Variants in SULT1E1 observed in about 807,000 individuals in gnomAD.
SULT1E1 encodes sulfotransferase 1E1.
In SULT1E1, 36 loss-of-function variants were observed where a neutral mutation model predicts 33.6. The observed-to-expected ratio is 1.07, with a 90% confidence interval of 0.82 to 1.41. The LOEUF (loss-of-function observed/expected upper bound fraction) is 1.41. Among genes scored for constraint, SULT1E1 ranks in the 40% most tolerant of loss-of-function variants. The pLI is 0.00. For missense variants in SULT1E1, 371 were observed against 345.7 expected, an observed-to-expected ratio of 1.07 and a Z score of -0.58; for synonymous variants, 121 against 111.7, an observed-to-expected ratio of 1.08 and a Z score of -0.53.
In SULT1E1 at chr4:69,847,740, C is replaced by T; in HGVS notation, c.549G>A (p.Lys183=). ...KHVKSWWEKG[K]SPRVLFLFYE... ...AGAAAAGAAATAGTACACGTGGACT[C>T]TTTCCCTTTTCCCACCAAGATTTTA... The change falls in exon 6 of 8, where the codon AAG becomes AAA. Residue 183 remains lysine (K), a synonymous_variant. Transcript: ENST00000226444. The T allele has an allele frequency of 6.2e-7, 1 of 1,609,878 alleles. No individual in the cohort carries two copies. The highest frequency in any genetic ancestry group is 8.5e-7 in the Non-Finnish European group (1 of 1,177,210).
intron 3 of SULT1E1, 123 bp from the exon 4 acceptor site, chr4:69,854,437 A>AC: frequency 3.3e-6 from 2 of 612,490 alleles, no homozygotes; most frequent in Non-Finnish European, 5.3e-6. Context: ...GATTGTGTGT[A>AC]ACACAAAGTA....
chr4:69,851,026 T>C (rs1000558994), intron 4 of SULT1E1, among the ~76,000 whole-genome samples: 1 of 152,098 alleles, frequency 6.6e-6, no homozygotes. Flanking sequence ...TTGTAATCTG[T>C]CTTAAAAATT....
At position 69,860,116 on chromosome 4, in the gene SULT1E1, A is replaced by G. The variant is rs575861675; in HGVS notation, c.-77T>C. 6.6e-6 allele frequency: 1 copy of G among 152,264 alleles called. No individual in the cohort carries two copies. The highest frequency in any genetic ancestry group is 2.4e-5 in the African/African-American group (1 of 41,564). The allele number at this position is 152,264 out of a possible 1,614,324, so 9.4% of individuals were successfully genotyped here. On this transcript the variant is annotated 5_prime_UTR_variant, in exon 1 of 8. Transcript: ENST00000226444. ...CTCTTCAAATACCAAGGCAGATCTT[A>G]AGCTGCAAAAAAAGATGAGAACCAC... is the stretch of plus-strand genomic sequence containing the variant.
At position 69,841,287 on chromosome 4, in the gene SULT1E1, G is replaced by C. The variant is rs11573800; in HGVS notation, c.*707C>G. Reference sequence around the variant, plus strand: ...TCTGTGTTACTACATCATTCCCATAGGTTATAGTTGTGCATGATATTTATA... The same window carrying C: ...TCTGTGTTACTACATCATTCCCATACGTTATAGTTGTGCATGATATTTATA... On this transcript the variant is annotated 3_prime_UTR_variant, in exon 8 of 8. Transcript: ENST00000226444. The C allele has an allele frequency of 2.0e-5, 3 of 151,962 alleles. No individual in the cohort carries two copies. The highest frequency in any genetic ancestry group is 1.9e-4 in the East Asian group (1 of 5,172). 9.4% of individuals were successfully genotyped at this position (151,962 alleles called of 1,614,324 possible). A position where few individuals can be genotyped will look rare whatever the true frequency, so the allele number is the denominator to read the frequency against.
rs11573770 is a variant in SULT1E1 at position 69,850,304 on chromosome 4, G to A, written c.370-741C>T. On this transcript the variant is annotated intron_variant, in intron 4 of 7. Transcript: ENST00000226444. ...CTAGGTCTGATACTCAATGTTACAC[G>A]AAAAGATCTGTGAAAGTAAAGTCCA... Among the ~76,000 whole-genome samples, 683 of 152,094 alleles carry A rather than the reference G, an allele frequency of 4.5e-3. 6 individuals carry two copies. Among genetic ancestry groups the A allele is most frequent in the Admixed American group, 0.022 (334 of 15,250 alleles).
downstream of SULT1E1, among the ~76,000 whole-genome samples, chr4:69,837,720 G>A (rs1022816491): frequency 3.3e-5 from 5 of 152,054 alleles, no homozygotes; most frequent in African/African-American, 1.2e-4. Context: ...TAGTAGAGAT[G>A]GGGTCTCACT....
the SULT1E1 span, among the ~76,000 whole-genome samples, chr4:69,835,798 T>C: frequency 6.6e-6 from 1 of 152,200 alleles, no homozygotes; most frequent in Non-Finnish European, 1.5e-5. Flanking sequence ...TTATTTATGT[T>C]ATTTTTATTT....
chr4:69,827,954 T>A, the SULT1E1 span, among the ~76,000 whole-genome samples: 6,668 of 152,274 alleles, frequency 0.044, 215 homozygotes, highest in East Asian at 0.082. Flanking sequence ...CATTCATGTC[T>A]GCTATGCCGA....
At chr4:69,838,394 G>A (rs1720827793), downstream of SULT1E1, 1 of 152,016 alleles carries the variant, frequency 6.6e-6, no homozygotes, top group Non-Finnish European at 1.5e-5. Context: ...CAGAATTCAA[G>A]AGAGTTAAAC....
In SULT1E1 at chr4:69,855,308, G is replaced by A; in HGVS notation, c.264C>T (p.Leu88=). The A allele has an allele frequency of 6.2e-7, 1 of 1,612,096 alleles. No individual in the cohort carries two copies. The highest frequency in any genetic ancestry group is 8.5e-7 in the Non-Finnish European group (1 of 1,178,978). ...AATCAACTTGAACGTTACCATTCATGAGGTTTTCTTTTCTGCATTCCAGGA... is the reference window on the plus strand; with the variant it reads ...AATCAACTTGAACGTTACCATTCATAAGGTTTTCTTTTCTGCATTCCAGGA... ...IPFLECRKEN[L]MNGVKQLDEM... The change falls in exon 3 of 8, where the codon CTC becomes CTT. Residue 88 remains leucine (L), a synonymous_variant. Transcript: ENST00000226444.
the SULT1E1 span, among the ~76,000 whole-genome samples, chr4:69,829,886 C>A: frequency 6.6e-6 from 1 of 152,184 alleles, no homozygotes; most frequent in Non-Finnish European, 1.5e-5. Flanking sequence ...CCAAAGTGAT[C>A]ATAGGCTCCT....
At position 69,842,014 on chromosome 4, in the gene SULT1E1, T is replaced by A. The variant is rs763722636; in HGVS notation, c.865A>T (p.Lys289Ter). The change falls in exon 8 of 8, where the codon AAG becomes TAG. Residue 289 changes from lysine to a stop codon, truncating the protein, a stop_gained. Coordinates refer to ENST00000226444, the MANE Select transcript of SULT1E1 (RefSeq NM_005420.3). LOFTEE classifies it high-confidence loss of function. The stretch of plus-strand genomic sequence containing the variant: ...CCTTCTTAGATCTCAGTTCGAAACT[T>A]CAGTGTAGATTCCTTCATTTGCTGC... Reference protein sequence around the residue: ...YEQQMKESTLKFRTEI With the variant: ...YEQQMKESTL 1 of 1,606,228 alleles carries A rather than the reference T, an allele frequency of 6.2e-7. No individual in the cohort carries two copies. Among genetic ancestry groups the A allele is most frequent in the Non-Finnish European group, 8.5e-7 (1 of 1,175,550 alleles).
At chr4:69,829,719 A>G in the SULT1E1 span, among the ~76,000 whole-genome samples, 3,926 of 152,256 alleles carry the variant, frequency 0.026, 174 homozygotes, top group African/African-American at 0.088. Flanking sequence ...TCCTCCTATT[A>G]CACATCTCTT....
At chr4:69,836,861 A>G (rs1354362), downstream of SULT1E1, among the ~76,000 whole-genome samples, 1 of 152,052 alleles carries the variant, frequency 6.6e-6, no homozygotes, top group Admixed American at 6.6e-5. Context: ...ATTGAAATAT[A>G]GACAATATCT....
chr4:69,850,589 A>G (rs1721080912), intron 4 of SULT1E1, among the ~76,000 whole-genome samples: 1 of 152,098 alleles, frequency 6.6e-6, no homozygotes, highest in African/African-American at 2.4e-5. Context: ...CATTAGCCAT[A>G]TTGAACTTTT....
Position 69,847,696 on chromosome 4 carries a change from A to G in SULT1E1, c.591+2T>C. 1 of 1,591,850 alleles carries G rather than the reference A, an allele frequency of 6.3e-7. No homozygotes were observed. Among genetic ancestry groups the G allele is most frequent in the Non-Finnish European group, 8.6e-7 (1 of 1,166,758 alleles). ...GTTGCTTATGTGTTCCCAGTTCCTC[A>G]CCTCTTTCAGGTCTTCGTAGAAAAG... On this transcript the variant is annotated splice_donor_variant, in intron 6 of 7. Transcript: ENST00000226444. LOFTEE classifies it high-confidence loss of function.
downstream of SULT1E1, among the ~76,000 whole-genome samples, chr4:69,837,625 C>CGA (rs1720815510): frequency 6.6e-6 from 1 of 152,044 alleles, no homozygotes; most frequent in African/African-American, 2.4e-5. Flanking sequence ...ATGATTCAAA[C>CGA]CCTAAAGACA....
At chr4:69,827,791 A>C in the SULT1E1 span, among the ~76,000 whole-genome samples, 3 of 152,200 alleles carry the variant, frequency 2.0e-5, no homozygotes, top group African/African-American at 7.2e-5. Flanking sequence ...CCCTCAGACA[A>C]ACAAACTTTG....
Position 69,841,722 on chromosome 4 carries a change from T to C in SULT1E1, c.*272A>G, listed in dbSNP as rs4149536. ...CAAACATGGTTGCACATGTCTGTAGTCCTAGCTACTTGGGAGGCTGAGATG... is the reference window on the plus strand; with the variant it reads ...CAAACATGGTTGCACATGTCTGTAGCCCTAGCTACTTGGGAGGCTGAGATG... On this transcript the variant is annotated 3_prime_UTR_variant, in exon 8 of 8. Transcript: ENST00000226444. The C allele has an allele frequency of 0.25, 65,445 of 265,934 alleles. 9,343 individuals carry two copies. The highest frequency in any genetic ancestry group is 0.31 in the Non-Finnish European group (43,937 of 143,222). 16.5% of individuals were successfully genotyped at this position (265,934 alleles called of 1,614,324 possible).
Sources: allele counts gnomAD v4.1 joint callset (sites outside exome capture counted in the v4.1 genomes callset), GRCh38; gene constraint gnomAD v4.1.1; transcripts MANE v1.5; gene names NCBI Gene and HGNC (gene_info 2026-07-23, HGNC 2026-07-21).